INPP5A: variants seen among roughly 807,000 people sequenced by gnomAD.
INPP5A encodes 43 kDa inositol polyphosphate 5-phophatase.
In INPP5A, 14 loss-of-function variants were observed where a neutral mutation model predicts 65.2. The ratio of observed to expected loss-of-function variants is 0.21; its 90% CI spans 0.14 to 0.34. The LOEUF is 0.34. INPP5A is among the 10% of genes least tolerant of loss of function. The pLI is 1.00. For missense variants in INPP5A, 431 were observed against 545.6 expected, an observed-to-expected ratio of 0.79 and a Z score of 2.09; for synonymous variants, 207 against 208.3, an observed-to-expected ratio of 0.99 and a Z score of 0.05.
rs973326419 is a variant in INPP5A at position 132,697,219 on chromosome 10, AAAAG to A, written c.371-592_371-589del. ...TTGGGTGTGGAGCTACCTGTCCATA[AAAAG>A]AAAGGCTGAGGCCTGGTTGTGAACA... On this transcript the variant is annotated intron_variant, in intron 5 of 15. Coordinates refer to ENST00000368594, the MANE Select transcript of INPP5A (RefSeq NM_005539.5). The surrounding 1 kb of genome is among the most constrained non-coding windows in gnomAD (Gnocchi z 5.6). 6.6e-6 allele frequency among the ~76,000 whole-genome samples: 1 copy of A among 152,200 alleles called. No homozygotes were observed. The highest frequency in any genetic ancestry group is 2.1e-4 in the South Asian group (1 of 4,834).
chr10:132,709,533 C>G (rs55681537), intron 7 of INPP5A, among the ~76,000 whole-genome samples: 8,401 of 152,144 alleles, frequency 0.055, 357 homozygotes, highest in African/African-American at 0.12. Flanking sequence ...AGGGAACAGC[C>G]TTGGCATGGT....
At chr10:132,571,921 G>A (rs1480979269) in intron 1 of INPP5A, among the ~76,000 whole-genome samples, 1 of 152,202 alleles carries the variant, frequency 6.6e-6, no homozygotes, top group Non-Finnish European at 1.5e-5. Context: ...TGGGCTAGAG[G>A]CAGAGTGGGC....
chr10:132,614,721 G>A (rs1474960523), intron 2 of INPP5A, among the ~76,000 whole-genome samples: 13 of 152,260 alleles, frequency 8.5e-5, no homozygotes, highest in Admixed American at 8.5e-4. Flanking sequence ...TGCCCCCAAG[G>A]TGGTGGCCTC....
At chr10:132,569,006 C>T (rs1375297256) in intron 1 of INPP5A, among the ~76,000 whole-genome samples, 1 of 150,682 alleles carries the variant, frequency 6.6e-6, no homozygotes, top group Middle Eastern at 3.2e-3. Context: ...ACCTCCGCCT[C>T]TTGGATTCGA....
intron 14 of INPP5A, 106 bp from the exon 15 acceptor site, chr10:132,781,755 G>A: frequency 1.1e-6 from 1 of 919,118 alleles, no homozygotes; most frequent in South Asian, 1.3e-5. Context: ...CCGGTTCATG[G>A]CTGCCCTGGT....
intron 2 of INPP5A, among the ~76,000 whole-genome samples, chr10:132,643,820 C>A (rs922447326): frequency 6.6e-5 from 10 of 152,106 alleles, no homozygotes; most frequent in African/African-American, 2.4e-4. Context: ...TGGGTCCTGG[C>A]GCCCTGTGAG....
At chr10:132,615,664 C>CT (rs1300890381) in intron 2 of INPP5A, among the ~76,000 whole-genome samples, 2 of 152,204 alleles carry the variant, frequency 1.3e-5, no homozygotes, top group Non-Finnish European at 2.9e-5. Context: ...AGGGCCCCGT[C>CT]TTTGGGGTAG....
At chr10:132,770,511 C>CA (rs888471325) in intron 12 of INPP5A, among the ~76,000 whole-genome samples, 1 of 152,196 alleles carries the variant, frequency 6.6e-6, no homozygotes, top group African/African-American at 2.4e-5. Flanking sequence ...GAGACTGCAT[C>CA]ATTCATTTAT....
At position 132,680,726 on chromosome 10, in the gene INPP5A, G is replaced by C. The variant is rs562976944; in HGVS notation, c.307-9666G>C. ...GCGGGCCAGCTGGATTTCCGGGTGG[G>C]CGTGGGCTTGGCGGGCCCCGCACTC... is the stretch of plus-strand genomic sequence containing the variant. On this transcript the variant is annotated intron_variant, in intron 4 of 15. Coordinates refer to ENST00000368594, the MANE Select transcript of INPP5A (RefSeq NM_005539.5). Among the ~76,000 whole-genome samples the C allele has an allele frequency of 3.1e-3, 467 of 152,370 alleles. 4 individuals are homozygous for C. Among genetic ancestry groups the C allele is most frequent in the African/African-American group, 8.8e-3 (365 of 41,592 alleles).
chr10:132,596,470 C>T (rs1484772095), intron 1 of INPP5A, among the ~76,000 whole-genome samples: 1 of 150,672 alleles, frequency 6.6e-6, no homozygotes, highest in African/African-American at 2.4e-5. Flanking sequence ...GCACTGTCAC[C>T]CAGCTGGAGT....
chr10:132,602,012 C>T (rs554670706), intron 1 of INPP5A, among the ~76,000 whole-genome samples: 2 of 152,130 alleles, frequency 1.3e-5, no homozygotes, highest in African/African-American at 4.8e-5. Context: ...AAAAGAAAGT[C>T]ATTGGGATTT....
chr10:132,699,460 C>T (rs1292604458), intron 6 of INPP5A, among the ~76,000 whole-genome samples: 1 of 152,150 alleles, frequency 6.6e-6, no homozygotes, highest in Non-Finnish European at 1.5e-5. Flanking sequence ...AGGCTGTTGA[C>T]CCGGCACCTC....
At chr10:132,780,955 C>A (rs754967425) in intron 14 of INPP5A, 38 bp downstream of exon 14, 32 of 1,525,146 alleles carry the variant, frequency 2.1e-5, no homozygotes, top group Non-Finnish European at 2.8e-5. Flanking sequence ...GGCTGGGGGA[C>A]CAAGGGGAAG....
chr10:132,681,868 G>T (rs891126768), intron 4 of INPP5A, among the ~76,000 whole-genome samples: 2 of 152,206 alleles, frequency 1.3e-5, no homozygotes, highest in Non-Finnish European at 2.9e-5. Flanking sequence ...AAAAAGGAAA[G>T]AAATTCTGGC....
chr10:132,565,479 T>A (rs1189767845), intron 1 of INPP5A, among the ~76,000 whole-genome samples: 2 of 152,184 alleles, frequency 1.3e-5, no homozygotes, highest in Non-Finnish European at 2.9e-5. Flanking sequence ...GTGGAACAGA[T>A]CCAGGCCGAG....
chr10:132,606,016 G>T (rs2071844155), intron 1 of INPP5A, among the ~76,000 whole-genome samples: 1 of 152,204 alleles, frequency 6.6e-6, no homozygotes, highest in Non-Finnish European at 1.5e-5. Context: ...CATGACCCAT[G>T]AATTGGGCTG....
chr10:132,751,747 G>A (rs1362586925), intron 11 of INPP5A, among the ~76,000 whole-genome samples: 1 of 147,030 alleles, frequency 6.8e-6, no homozygotes, highest in Non-Finnish European at 1.5e-5. Flanking sequence ...CCCAGGAGGT[G>A]TCTTCGTGGA....
intron 9 of INPP5A, among the ~76,000 whole-genome samples, chr10:132,743,067 T>G (rs1846302703): frequency 6.6e-6 from 1 of 152,148 alleles, no homozygotes; most frequent in Non-Finnish European, 1.5e-5. Context: ...GGATAAAAGC[T>G]CAGGAGCAGG....
intron 1 of INPP5A, among the ~76,000 whole-genome samples, chr10:132,580,721 C>G (rs999335056): frequency 2.6e-5 from 4 of 152,212 alleles, no homozygotes; most frequent in Non-Finnish European, 5.9e-5. Context: ...GTTTATCTGC[C>G]ACTTAGATTC....
Sources: gnomAD v4.1 joint callset for allele counts (sites outside exome capture counted in the v4.1 genomes callset) on GRCh38, gnomAD v4.1.1 for gene constraint, Gnocchi (gnomAD v3.1) non-coding constraint, MANE v1.5 for transcripts, NCBI Gene and HGNC (gene_info 2026-07-23, HGNC 2026-07-21) for gene names.